TAFA1: variants seen among roughly 807,000 people sequenced by gnomAD.
TAFA1 encodes chemokine-like protein TAFA-1.
In TAFA1, 4 loss-of-function variants were observed where a neutral mutation model predicts 18.5. That is an observed-to-expected ratio of 0.22 (90% CI 0.11 to 0.49). The LOEUF (loss-of-function observed/expected upper bound fraction) is 0.49, where lower values mean the gene tolerates loss of function less well. Ranked by LOEUF, TAFA1 falls within the 20% of genes least tolerant of loss-of-function variation. The probability of loss-of-function intolerance (pLI) is 0.98; values close to 1 mark genes in which losing one functional copy is unlikely to be tolerated. For missense variants in TAFA1, 147 were observed against 169.0 expected, an observed-to-expected ratio of 0.87 and a Z score of 0.72; for synonymous variants, 56 against 55.2, an observed-to-expected ratio of 1.01 and a Z score of -0.06.
At chr3:68,498,721 GCTTTTTTTTTT>G (rs1435048453) in intron 3 of TAFA1, among the ~76,000 whole-genome samples, 1 of 101,718 alleles carries the variant, frequency 9.8e-6, no homozygotes, top group Non-Finnish European at 1.8e-5. Flanking sequence ...CCGTTTGGTG[GCTTTTTTTTTT>G]TTTTTTTTTT....
intron 2 of TAFA1, among the ~76,000 whole-genome samples, chr3:68,290,135 T>A (rs73099605): frequency 0.078 from 11,918 of 152,282 alleles, 475 homozygotes; most frequent in Middle Eastern, 0.11. Context: ...GATAATTTAC[T>A]GTATATATTA....
At chr3:68,242,517 C>G (rs1273196715) in intron 2 of TAFA1, among the ~76,000 whole-genome samples, 1 of 152,050 alleles carries the variant, frequency 6.6e-6, no homozygotes, top group South Asian at 2.1e-4. Context: ...GCACCTGTGC[C>G]TGATGAATTT....
At chr3:68,310,576 A>T (rs529659821) in intron 2 of TAFA1, among the ~76,000 whole-genome samples, 1 of 152,218 alleles carries the variant, frequency 6.6e-6, no homozygotes, top group Admixed American at 6.5e-5. Context: ...TTTTCAAATT[A>T]TAATTCATAT....
At chr3:68,254,795 A>T (rs1483923652) in intron 2 of TAFA1, among the ~76,000 whole-genome samples, 1 of 152,112 alleles carries the variant, frequency 6.6e-6, no homozygotes, top group Non-Finnish European at 1.5e-5. Flanking sequence ...GGGCCATTGT[A>T]TTATATAGGC....
intron 3 of TAFA1, among the ~76,000 whole-genome samples, chr3:68,438,934 T>A (rs2071314793): frequency 6.6e-6 from 1 of 152,100 alleles, no homozygotes; most frequent in African/African-American, 2.4e-5. Context: ...CAAGCCCATG[T>A]AGAGAGTGTC....
chr3:68,443,084 A>G (rs1422387257), intron 3 of TAFA1, among the ~76,000 whole-genome samples: 7 of 152,146 alleles, frequency 4.6e-5, no homozygotes, highest in Admixed American at 1.3e-4. Flanking sequence ...CAGAGAGTAG[A>G]GAAGGCCCAT....
At chr3:68,217,977 T>G (rs944647959) in intron 2 of TAFA1, among the ~76,000 whole-genome samples, 1 of 152,096 alleles carries the variant, frequency 6.6e-6, no homozygotes, top group African/African-American at 2.4e-5. Context: ...TGAAATTATA[T>G]ACTAAATGCC....
chr3:68,389,892 C>T (rs762772527), intron 2 of TAFA1, among the ~76,000 whole-genome samples: 5 of 152,154 alleles, frequency 3.3e-5, no homozygotes, highest in Admixed American at 6.5e-5. Flanking sequence ...TGGGTGCCTA[C>T]ACCACCAGGG....
At chr3:68,315,286 A>T (rs755737832) in intron 2 of TAFA1, among the ~76,000 whole-genome samples, 1 of 152,184 alleles carries the variant, frequency 6.6e-6, no homozygotes, top group Non-Finnish European at 1.5e-5. Flanking sequence ...AGACATGCTT[A>T]GTTACCAAGT....
chr3:68,355,343 T>C (rs1559630907), intron 2 of TAFA1, among the ~76,000 whole-genome samples: 4 of 152,104 alleles, frequency 2.6e-5, no homozygotes, highest in African/African-American at 9.6e-5. Context: ...CCATTTCAAA[T>C]GGTAGCTTCC....
intron 3 of TAFA1, among the ~76,000 whole-genome samples, chr3:68,520,787 G>T (rs1465962583): frequency 2.9e-5 from 2 of 69,084 alleles, no homozygotes; most frequent in Non-Finnish European, 6.0e-5. Context: ...TTATCTATTA[G>T]TCAACTAAAT....
chr3:68,034,855 T>A (rs1048342168), intron 2 of TAFA1, among the ~76,000 whole-genome samples: 4 of 152,208 alleles, frequency 2.6e-5, no homozygotes, highest in African/African-American at 9.6e-5. Context: ...GGGGAAATTT[T>A]AAAATTTCAC....
At chr3:68,286,925 G>A (rs2068018381) in intron 2 of TAFA1, among the ~76,000 whole-genome samples, 1 of 152,174 alleles carries the variant, frequency 6.6e-6, no homozygotes, top group South Asian at 2.1e-4. Flanking sequence ...TGTTAACAGG[G>A]CCATCCTTGG....
intron 2 of TAFA1, among the ~76,000 whole-genome samples, chr3:68,078,945 C>T (rs1330294659): frequency 6.6e-6 from 1 of 152,188 alleles, no homozygotes; most frequent in Non-Finnish European, 1.5e-5. Context: ...TGGTCCTGTA[C>T]TCTTTTTGGC....
intron 3 of TAFA1, among the ~76,000 whole-genome samples, chr3:68,497,821 G>A (rs2072574788): frequency 6.6e-6 from 1 of 152,162 alleles, no homozygotes; most frequent in African/African-American, 2.4e-5. Context: ...AGCTTTGACT[G>A]CTGTGCATAG....
rs865890435 is a variant in TAFA1 at position 68,267,574 on chromosome 3, A to G, written c.119-149706A>G. On this transcript the variant is annotated intron_variant, in intron 2 of 4. Coordinates refer to ENST00000478136, the MANE Select transcript of TAFA1 (RefSeq NM_213609.4). ...TGATTCAAGTAAATTTGTGCAGGGA[A>G]TTTTTGGAGATTTTCCTTCATGAAA... Among the ~76,000 whole-genome samples, 3 of 152,236 alleles carry G rather than the reference A, an allele frequency of 2.0e-5. No individual in the cohort carries two copies. The South Asian group carries it at 6.2e-4, about 32-fold the overall frequency.
intron 3 of TAFA1, among the ~76,000 whole-genome samples, chr3:68,478,917 T>TAC (rs1553695217): frequency 6.7e-5 from 1 of 15,036 alleles, no homozygotes; most frequent in Non-Finnish European, 2.2e-4. Flanking sequence ...TATATGTGTG[T>TAC]ATATATATAT....
intron 2 of TAFA1, among the ~76,000 whole-genome samples, chr3:68,054,270 G>A (rs1022400843): frequency 6.6e-6 from 1 of 152,064 alleles, no homozygotes; most frequent in Non-Finnish European, 1.5e-5. Context: ...GGAGCCAGGG[G>A]TCAGGGGAGT....
At chr3:68,152,807 T>C (rs189612381) in intron 2 of TAFA1, among the ~76,000 whole-genome samples, 10 of 152,246 alleles carry the variant, frequency 6.6e-5, no homozygotes, top group Admixed American at 2.6e-4. Flanking sequence ...AGAGTTCATC[T>C]TTCAGTGTAA....
Sources: gnomAD v4.1 joint callset for allele counts (sites outside exome capture counted in the v4.1 genomes callset) on GRCh38, gnomAD v4.1.1 for gene constraint, MANE v1.5 for transcripts, NCBI Gene and HGNC (gene_info 2026-07-23, HGNC 2026-07-21) for gene names.